Variants in RIPOR2 observed in about 807,000 individuals in gnomAD.
The protein encoded by RIPOR2 is rho family-interacting cell polarization regulator 2.
In RIPOR2, 39 loss-of-function variants were observed where a neutral mutation model predicts 114.5. That is an observed-to-expected ratio of 0.34 (90% CI 0.26 to 0.44). RIPOR2 has a LOEUF of 0.44. RIPOR2 is among the 20% of genes least tolerant of loss of function. The pLI, the probability that RIPOR2 is intolerant of heterozygous loss-of-function variation, is 1.00. For missense variants in RIPOR2, 1,007 were observed against 1,255.1 expected (o/e 0.80, Z 2.99); for synonymous variants, 445 against 484.4 (o/e 0.92, Z 1.07).
intron 1 of RIPOR2, among the ~76,000 whole-genome samples, chr6:24,945,278 A>G (rs1211891879): frequency 6.6e-6 from 1 of 152,194 alleles, no homozygotes; most frequent in African/African-American, 2.4e-5. Context: ...TCCTTTGAGA[A>G]TGAAGGAGAA....
At chr6:24,967,589 A>G (rs927169172) in intron 1 of RIPOR2, among the ~76,000 whole-genome samples, 1 of 152,198 alleles carries the variant, frequency 6.6e-6, no homozygotes, top group African/African-American at 2.4e-5. Flanking sequence ...ACTGTACCTG[A>G]GAAATCCAAG....
intron 1 of RIPOR2, among the ~76,000 whole-genome samples, chr6:24,978,504 A>T (rs547877136): frequency 2.0e-5 from 3 of 152,154 alleles, no homozygotes; most frequent in Non-Finnish European, 4.4e-5. Context: ...GGCCAAGAAA[A>T]GATGTCCCCT....
At chr6:24,906,313 G>T (rs2024688) in intron 1 of RIPOR2, among the ~76,000 whole-genome samples, 4,149 of 152,232 alleles carry the variant, frequency 0.027, 154 homozygotes, top group African/African-American at 0.081. Context: ...TGTGCCTTCA[G>T]GGAGCTCACA....
chr6:24,839,205 C>T lies in RIPOR2; in HGVS notation c.1925G>A (p.Ser642Asn). ...LSLTVESALESFDFLNTSDFD... is the reference protein window; with the variant it reads ...LSLTVESALENFDFLNTSDFD... ...ATCAGAGGTGTTCAGGAAATCAAAGCTTTCTAAAGCACTTTCAACTGTGAG... is the reference window on the plus strand; with the variant it reads ...ATCAGAGGTGTTCAGGAAATCAAAGTTTTCTAAAGCACTTTCAACTGTGAG... The change falls in exon 14 of 22, where the codon AGC becomes AAC. Residue 642 changes from serine to asparagine, a missense_variant. Ser to Asn is a conservative substitution (Grantham distance 46). Transcript: ENST00000643898. 6.4e-7 allele frequency: 1 copy of T among 1,551,834 alleles called. No homozygotes were observed. Among genetic ancestry groups the T allele is most frequent in the South Asian group, 1.2e-5 (1 of 84,064 alleles).
chr6:24,819,469 A>G (rs1449606360), intron 19 of RIPOR2, among the ~76,000 whole-genome samples: 1 of 152,002 alleles, frequency 6.6e-6, no homozygotes, highest in African/African-American at 2.4e-5. Context: ...AGTTTGATAC[A>G]TGGCAAATGA....
chr6:24,847,101 G>A (rs1195002777), intron 12 of RIPOR2, among the ~76,000 whole-genome samples: 2 of 152,150 alleles, frequency 1.3e-5, no homozygotes, highest in East Asian at 3.9e-4. Flanking sequence ...ACATGCACAT[G>A]CCTCCATTCC....
At chr6:24,851,262 A>T (rs1011077749) in intron 9 of RIPOR2, among the ~76,000 whole-genome samples, 3 of 152,120 alleles carry the variant, frequency 2.0e-5, no homozygotes, top group Non-Finnish European at 4.4e-5. Context: ...TCTGTAGTAA[A>T]AGGTCATTGC....
rs564456745 is a variant in RIPOR2, at chr6:24,837,052, C to A, written c.2040-1181G>T. Reference sequence around the variant, plus strand: ...GTAACAGCTTAAGGTAACAAGTATGCAGAAAAATTTTTGGATAAGAAGTAT... The same window carrying A: ...GTAACAGCTTAAGGTAACAAGTATGAAGAAAAATTTTTGGATAAGAAGTAT... On this transcript the variant is annotated intron_variant, in intron 14 of 21. Transcript: ENST00000643898. Among the ~76,000 whole-genome samples, 4 of 152,268 alleles carry A rather than the reference C, an allele frequency of 2.6e-5. No homozygotes were observed. The South Asian group carries it at 8.3e-4, about 32-fold the overall frequency.
Position 24,852,632 on chromosome 6 carries a change from A to G in RIPOR2, c.716-14T>C, listed in dbSNP as rs781068711. On this transcript the variant is annotated splice_polypyrimidine_tract_variant and intron_variant, in intron 8 of 21. Transcript: ENST00000643898. ...AGCCAGCCAGACCTGTAACCAAGAA[A>G]TTGGAAGGTGAGGTGTAGAACATAT... is the stretch of plus-strand genomic sequence containing the variant. The G allele has an allele frequency of 3.2e-5, 50 of 1,582,810 alleles. No individual in the cohort carries two copies. Among genetic ancestry groups the G allele is most frequent in the Middle Eastern group, 1.7e-4 (1 of 5,914 alleles).
At chr6:24,910,341 AAAT>A (rs1480524662) in intron 1 of RIPOR2, among the ~76,000 whole-genome samples, 8 of 152,208 alleles carry the variant, frequency 5.3e-5, no homozygotes, top group South Asian at 4.1e-4. Flanking sequence ...GCCCGGGGGC[AAAT>A]GAAGACCCTT....
chr6:24,877,540 T>C (rs1361794114), intron 1 of RIPOR2, among the ~76,000 whole-genome samples: 1 of 152,142 alleles, frequency 6.6e-6, no homozygotes, highest in Non-Finnish European at 1.5e-5. Flanking sequence ...CACAAATGGT[T>C]AGACAAAATG....
chr6:25,036,267 C>T (rs895674), intron 1 of RIPOR2, among the ~76,000 whole-genome samples: 8,343 of 152,292 alleles, frequency 0.055, 265 homozygotes, highest in Non-Finnish European at 0.068. Context: ...AGCTTTGTCA[C>T]TGTTGTCTTT....
At chr6:24,886,635 G>A (rs2113950885) in intron 1 of RIPOR2, among the ~76,000 whole-genome samples, 1 of 152,320 alleles carries the variant, frequency 6.6e-6, no homozygotes. Context: ...GTCAGACTAT[G>A]CATTTTTAGC....
intron 1 of RIPOR2, among the ~76,000 whole-genome samples, chr6:24,886,105 A>G (rs1766809746): frequency 6.6e-6 from 1 of 151,976 alleles, no homozygotes; most frequent in South Asian, 2.1e-4. Flanking sequence ...CATCTGCCAC[A>G]TTTTACTTTG....
chr6:24,993,172 T>C (rs565958523), intron 1 of RIPOR2, among the ~76,000 whole-genome samples: 273 of 152,330 alleles, frequency 1.8e-3, no homozygotes, highest in African/African-American at 3.6e-3. Flanking sequence ...TATTAATTTT[T>C]CCAAAAAACC....
intron 1 of RIPOR2, among the ~76,000 whole-genome samples, chr6:24,917,733 G>A (rs2747674): frequency 0.44 from 67,521 of 152,022 alleles, 16,318 homozygotes; most frequent in African/African-American, 0.65. Flanking sequence ...GTTTCAACAT[G>A]TTGGCCAGGC....
chr6:25,011,117 A>G (rs1410782647), intron 1 of RIPOR2, among the ~76,000 whole-genome samples: 3 of 152,220 alleles, frequency 2.0e-5, no homozygotes, highest in Non-Finnish European at 2.9e-5. Flanking sequence ...TGTTTTTACA[A>G]TGACTCATTG....
At chr6:24,930,307 G>C (rs1442385894) in intron 1 of RIPOR2, among the ~76,000 whole-genome samples, 1 of 152,136 alleles carries the variant, frequency 6.6e-6, no homozygotes, top group East Asian at 1.9e-4. Flanking sequence ...CCCTATAGAA[G>C]ACATACTCTA....
rs544195535 is a variant in RIPOR2, at chr6:24,883,894, C to T, written c.62-8077G>A. On this transcript the variant is annotated intron_variant, in intron 1 of 21. Coordinates refer to ENST00000643898, the MANE Select transcript of RIPOR2 (RefSeq NM_001286445.3). The surrounding 1 kb of genome is among the most constrained non-coding windows in gnomAD (Gnocchi z 4.1). The stretch of plus-strand genomic sequence containing the variant: ...CCATCCTGTTTATGCTCCCCCACAT[C>T]GTGGTCAAAAGCAGATGTATAATTG... Among the ~76,000 whole-genome samples, 33 of 152,260 alleles carry T rather than the reference C, an allele frequency of 2.2e-4. No homozygotes were observed. In the East Asian group the frequency reaches 5.2e-3, roughly 24 times the overall value.
Sources: gnomAD v4.1 joint callset for allele counts (sites outside exome capture counted in the v4.1 genomes callset) on GRCh38, gnomAD v4.1.1 for gene constraint, Gnocchi (gnomAD v3.1) non-coding constraint, MANE v1.5 for transcripts, NCBI Gene and HGNC (gene_info 2026-07-23, HGNC 2026-07-21) for gene names.